Variants in HEATR5B observed in about 807,000 individuals in gnomAD.
HEATR5B encodes the protein HEAT repeat-containing protein 5B.
HEATR5B carries 156 observed loss-of-function variants against 224.1 expected under a neutral mutation model. The ratio of observed to expected loss-of-function variants is 0.70; its 90% confidence interval spans 0.61 to 0.80. The LOEUF is 0.80. HEATR5B is among the 30% of genes least tolerant of loss of function. The pLI is 0.00. For synonymous variants in HEATR5B, 1,027 were observed against 893.0 expected (o/e 1.15, Z -2.68); for missense variants, 2,323 against 2,535.5 (o/e 0.92, Z 1.80).
chr2:37,063,247 G>A (rs543318635), intron 10 of HEATR5B, among the ~76,000 whole-genome samples: 2 of 152,254 alleles, frequency 1.3e-5, no homozygotes, highest in African/African-American at 4.8e-5. Flanking sequence ...CACACAGAAT[G>A]GCTAGTATAG....
chr2:37,049,908 T>A (rs1572889121), intron 17 of HEATR5B, 65 bp from the exon 18 acceptor site: 3 of 1,398,468 alleles, frequency 2.1e-6, no homozygotes, highest in South Asian at 1.5e-5. Flanking sequence ...ATTTTTTTTT[T>A]AAGGCAAGGT....
At chr2:37,043,021 A>C (rs1359721358) in intron 18 of HEATR5B, among the ~76,000 whole-genome samples, 2 of 152,202 alleles carry the variant, frequency 1.3e-5, no homozygotes, top group Non-Finnish European at 2.9e-5. Flanking sequence ...ATTGATGATT[A>C]ACAGCAGAAA....
chr2:37,050,840 C>T (rs539378242), intron 17 of HEATR5B, among the ~76,000 whole-genome samples: 50 of 152,236 alleles, frequency 3.3e-4, no homozygotes, highest in African/African-American at 1.1e-3. Flanking sequence ...GAGATCAAGA[C>T]CATCCTGGCC....
intron 27 of HEATR5B, among the ~76,000 whole-genome samples, chr2:37,010,910 A>G (rs911889293): frequency 7.1e-6 from 1 of 141,184 alleles, no homozygotes; most frequent in Non-Finnish European, 1.5e-5. Context: ...GACTGGAAGC[A>G]AAAAAAAAAA....
Position 37,056,536 on chromosome 2 carries a change from T to C in HEATR5B, c.2303A>G (p.Glu768Gly). ...SSIYLRIPAG[E>G]AVPGPLPLGV... ...GAGAGGGAGGGGACCAGGTACTGCT[T>C]CTCCAGCAGGTATGCGTAAATAAAT... Residue 768 changes from glutamate to glycine, a missense_variant, in exon 16 of 36, where the codon GAA (glutamate) becomes GGA (glycine). Physicochemically the swap from Glu to Gly is moderately conservative, Grantham distance 98 (BLOSUM62 -2). Around this residue, in one of 12 missense-constraint regions of HEATR5B, gnomAD observed 170 missense variants for 216.7 expected, o/e 0.78. Transcript: ENST00000233099. 1 of 1,613,498 alleles carries C rather than the reference T, an allele frequency of 6.2e-7. No individual in the cohort carries two copies. Among genetic ancestry groups the C allele is most frequent in the Admixed American group, 1.7e-5 (1 of 59,954 alleles).
intron 33 of HEATR5B, among the ~76,000 whole-genome samples, chr2:36,999,343 A>C (rs1286603765): frequency 6.6e-6 from 1 of 152,158 alleles, no homozygotes; most frequent in Non-Finnish European, 1.5e-5. Flanking sequence ...TTATTGTAAA[A>C]CAACAACTTG....
At position 36,980,958 on chromosome 2, in the gene HEATR5B, T is replaced by C. The variant is rs1665545951; in HGVS notation, c.*532A>G. 1.3e-5 allele frequency: 2 copies of C among 152,204 alleles called. No individual in the cohort carries two copies. The highest frequency in any genetic ancestry group is 4.8e-5 in the African/African-American group (2 of 41,446). 9.4% of individuals were successfully genotyped at this position (152,204 alleles called of 1,614,324 possible). ...AATATACATAGCATAATTTAGTAATTTGATATGAAAGCTAAAAGATCCATC... is the reference window on the plus strand; with the variant it reads ...AATATACATAGCATAATTTAGTAATCTGATATGAAAGCTAAAAGATCCATC... On this transcript the variant is annotated 3_prime_UTR_variant, in exon 36 of 36. Coordinates refer to ENST00000233099, the MANE Select transcript of HEATR5B (RefSeq NM_019024.3).
chr2:37,042,522 G>A (rs374016053), intron 18 of HEATR5B, among the ~76,000 whole-genome samples: 2 of 152,220 alleles, frequency 1.3e-5, no homozygotes, highest in Non-Finnish European at 2.9e-5. Context: ...TGAAATCACC[G>A]ATGCTTTACG....
chr2:37,036,565 G>T (rs1669489684), intron 21 of HEATR5B, among the ~76,000 whole-genome samples: 1 of 151,324 alleles, frequency 6.6e-6, no homozygotes. Flanking sequence ...AGGTTGGAGT[G>T]CAATGGCGCA....
At chr2:37,052,259 T>C (rs1404388934) in intron 17 of HEATR5B, among the ~76,000 whole-genome samples, 1 of 152,208 alleles carries the variant, frequency 6.6e-6, no homozygotes, top group Non-Finnish European at 1.5e-5. Flanking sequence ...AGGCAAACTA[T>C]TTGTAACAGT....
At chr2:37,076,676 A>T (rs919457084) in intron 4 of HEATR5B, among the ~76,000 whole-genome samples, 3 of 152,022 alleles carry the variant, frequency 2.0e-5, no homozygotes, top group African/African-American at 7.2e-5. Flanking sequence ...AGCCAATCCA[A>T]AAGTACCATA....
At chr2:36,985,870 G>C (rs991207504) in intron 35 of HEATR5B, among the ~76,000 whole-genome samples, 2 of 151,514 alleles carry the variant, frequency 1.3e-5, no homozygotes, top group East Asian at 1.9e-4. Context: ...ACTGAAAAAG[G>C]GTCATTTATT....
chr2:37,021,583 T>C (rs185932957), intron 24 of HEATR5B, among the ~76,000 whole-genome samples: 1 of 152,154 alleles, frequency 6.6e-6, no homozygotes, highest in East Asian at 1.9e-4. Context: ...TTTTCACATG[T>C]AAAATGTAGA....
chr2:37,074,782 G>A (rs1159743627), intron 5 of HEATR5B, among the ~76,000 whole-genome samples: 3 of 152,134 alleles, frequency 2.0e-5, no homozygotes. Context: ...TGGCAAATAA[G>A]CACCTGAAAA....
At chr2:37,044,660 T>C (rs1441026908) in intron 18 of HEATR5B, among the ~76,000 whole-genome samples, 2 of 152,218 alleles carry the variant, frequency 1.3e-5, no homozygotes, top group Admixed American at 1.3e-4. Context: ...GAAGCATATA[T>C]TTACATTTAT....
At chr2:37,000,508 G>C in intron 33 of HEATR5B, 78 bp downstream of exon 33, 1 of 1,132,734 alleles carries the variant, frequency 8.8e-7, no homozygotes, top group Non-Finnish European at 1.3e-6. Context: ...GCAGTTTTCT[G>C]ATAAGCTTAT....
At chr2:37,079,392 C>A (rs1441696858) in intron 2 of HEATR5B, 61 bp from the exon 3 acceptor site, 2 of 872,614 alleles carry the variant, frequency 2.3e-6, no homozygotes, top group South Asian at 1.7e-5. Flanking sequence ...ACCTTTTAAT[C>A]AAAATAAAAA....
chr2:36,991,453 T>A lies in HEATR5B; in HGVS notation c.5546-654A>T, dbSNP rs996509777. On this transcript the variant is annotated intron_variant, in intron 33 of 35. Coordinates refer to ENST00000233099, the MANE Select transcript of HEATR5B (RefSeq NM_019024.3). ...GAGGTTGCAGTGAGCCAAGATTGTG[T>A]CATTGCACTCCAGCCTGGGCAACAA... Among the ~76,000 whole-genome samples the A allele has an allele frequency of 4.1e-5, 6 of 147,244 alleles. No homozygotes were observed. In the Admixed American group the frequency reaches 4.1e-4, roughly 10 times the overall value.
Position 37,077,036 on chromosome 2 carries a change from C to T in HEATR5B, c.339-17G>A, listed in dbSNP as rs1672278827. On this transcript the variant is annotated splice_polypyrimidine_tract_variant and intron_variant, in intron 3 of 35. Coordinates refer to ENST00000233099, the MANE Select transcript of HEATR5B (RefSeq NM_019024.3). ...ACCGCAGCCCTGTAAGAAGTGACAA[C>T]TTCACTAGTCATTGTCCAGGTTAAT... is the stretch of plus-strand genomic sequence containing the variant. The T allele has an allele frequency of 1.3e-6, 2 of 1,545,282 alleles. No individual in the cohort carries two copies. The highest frequency in any genetic ancestry group is 1.4e-5 in the African/African-American group (1 of 73,424).
Sources: allele counts gnomAD v4.1 joint callset (sites outside exome capture counted in the v4.1 genomes callset), GRCh38; gene constraint gnomAD v4.1.1; regional missense constraint gnomAD v4.1.1; transcripts MANE v1.5; gene names NCBI Gene and HGNC (gene_info 2026-07-23, HGNC 2026-07-21).